Variants in RIC8B observed in about 807,000 individuals in gnomAD.
RIC8B encodes the protein chaperone Ric-8B.
RIC8B carries 16 observed loss-of-function variants against 57.5 expected under a neutral mutation model. That is an observed-to-expected ratio of 0.28 (90% CI 0.19 to 0.42). The LOEUF (loss-of-function observed/expected upper bound fraction) is 0.42, where lower values mean the gene tolerates loss of function less well. RIC8B is among the 10% of genes least tolerant of loss of function. RIC8B has a pLI of 1.00. For synonymous variants in RIC8B, 216 were observed against 250.8 expected (o/e 0.86, Z 1.31); for missense variants, 481 against 677.0 (o/e 0.71, Z 3.21).
rs951553080 is a variant in RIC8B, at chr12:106,774,733, C to G, written c.-13C>G. 1 of 1,546,590 alleles carries G rather than the reference C, an allele frequency of 6.5e-7. No homozygotes were observed. Among genetic ancestry groups the G allele is most frequent in the Non-Finnish European group, 8.7e-7 (1 of 1,144,152 alleles). On this transcript the variant is annotated 5_prime_UTR_variant, in exon 1 of 10. Coordinates refer to ENST00000392837, the MANE Select transcript of RIC8B (RefSeq NM_001330145.2). ...GCGCGCAGAGCGGCCGCGGCTCCCC[C>G]GCACCTGCGGCCATGGATGAGGAGC...
intron 9 of RIC8B, among the ~76,000 whole-genome samples, chr12:106,872,016 G>A (rs1451329965): frequency 1.3e-5 from 2 of 152,196 alleles, no homozygotes. Context: ...TTGTTTAGGA[G>A]TAAATAGCTT....
At chr12:106,809,493 A>C (rs2045226681) in intron 2 of RIC8B, among the ~76,000 whole-genome samples, 1 of 149,518 alleles carries the variant, frequency 6.7e-6, no homozygotes, top group African/African-American at 2.5e-5. Context: ...ACTGCACTTC[A>C]GCCTGGGAGA....
rs547255192 is a variant in RIC8B, at chr12:106,886,361, C to T, written c.*346C>T. On this transcript the variant is annotated 3_prime_UTR_variant, in exon 10 of 10. Coordinates refer to ENST00000392837, the MANE Select transcript of RIC8B (RefSeq NM_001330145.2). Reference sequence around the variant, plus strand: ...TAGCAGAAGATTTAGCCATGTCCTTCCCCTCACTTGTGTGAGTGGCCCCTT... The same window carrying T: ...TAGCAGAAGATTTAGCCATGTCCTTTCCCTCACTTGTGTGAGTGGCCCCTT... The T allele has an allele frequency of 3.1e-5, 6 of 193,728 alleles. No individual in the cohort carries two copies. In the South Asian group the frequency reaches 7.4e-4, roughly 24 times the overall value. 12.0% of individuals were successfully genotyped at this position (193,728 alleles called of 1,614,324 possible).
chr12:106,778,794 A>G (rs983811319), intron 1 of RIC8B, among the ~76,000 whole-genome samples: 6 of 152,214 alleles, frequency 3.9e-5, no homozygotes, highest in South Asian at 2.1e-4. Flanking sequence ...TTATTCCTCA[A>G]TATCCAAAGG....
intron 1 of RIC8B, 27 bp downstream of exon 1, chr12:106,774,856 G>C (rs377518427): frequency 6.6e-7 from 1 of 1,518,686 alleles, no homozygotes. Context: ...CCGGGCGTGC[G>C]GTATCGCACC....
intron 1 of RIC8B, 73 bp from the exon 2 acceptor site, chr12:106,783,924 T>TTATTTG: frequency 7.5e-7 from 1 of 1,341,528 alleles, no homozygotes; most frequent in Non-Finnish European, 1.1e-6. Flanking sequence ...TTATTTTAGA[T>TTATTTG]GCTATTAAAC....
chr12:106,855,956 G>A (rs549227638), intron 7 of RIC8B, among the ~76,000 whole-genome samples: 2 of 151,868 alleles, frequency 1.3e-5, no homozygotes, highest in Non-Finnish European at 2.9e-5. Flanking sequence ...CATGCCCTTC[G>A]ACCTTTTCAT....
intron 2 of RIC8B, among the ~76,000 whole-genome samples, chr12:106,786,688 A>G (rs2044045255): frequency 6.6e-6 from 1 of 152,216 alleles, no homozygotes; most frequent in Non-Finnish European, 1.5e-5. Flanking sequence ...ATTGGAAACA[A>G]GTGTCCAGCA....
intron 2 of RIC8B, among the ~76,000 whole-genome samples, chr12:106,804,560 T>A (rs2044916727): frequency 6.6e-6 from 1 of 152,206 alleles, no homozygotes; most frequent in Non-Finnish European, 1.5e-5. Context: ...AATAAATTGG[T>A]CAGGTGGCAG....
chr12:106,819,981 G>A (rs1212436073), intron 3 of RIC8B, among the ~76,000 whole-genome samples: 2 of 152,004 alleles, frequency 1.3e-5, no homozygotes, highest in African/African-American at 4.8e-5. Context: ...TGGTGGGCCA[G>A]CGGGTTTCAA....
intron 2 of RIC8B, among the ~76,000 whole-genome samples, chr12:106,784,367 C>T (rs2043900478): frequency 6.6e-6 from 1 of 152,156 alleles, no homozygotes; most frequent in Non-Finnish European, 1.5e-5. Flanking sequence ...GCCCAAAATC[C>T]ATTGCTAATA....
intron 2 of RIC8B, among the ~76,000 whole-genome samples, chr12:106,806,753 C>T (rs1427805140): frequency 6.6e-6 from 1 of 152,068 alleles, no homozygotes; most frequent in East Asian, 1.9e-4. Context: ...TTGCTTGAAC[C>T]CGGGAGGCGG....
intron 9 of RIC8B, among the ~76,000 whole-genome samples, chr12:106,878,049 G>T (rs184761491): frequency 6.6e-6 from 1 of 152,172 alleles, no homozygotes; most frequent in East Asian, 1.9e-4. Flanking sequence ...TTTCCCAATT[G>T]TACCCAATCC....
At chr12:106,843,335 C>A (rs1390743308) in intron 5 of RIC8B, among the ~76,000 whole-genome samples, 1 of 152,234 alleles carries the variant, frequency 6.6e-6, no homozygotes, top group African/African-American at 2.4e-5. Context: ...TTCATTCAAG[C>A]CCTTTGGCTA....
chr12:106,836,468 T>TC lies in RIC8B; in HGVS notation c.837-6116dup, dbSNP rs1593257217. Among the ~76,000 whole-genome samples the TC allele has an allele frequency of 2.0e-5, 3 of 152,232 alleles. No homozygotes were observed. In the East Asian group the frequency reaches 5.8e-4, roughly 29 times the overall value. On this transcript the variant is annotated intron_variant, in intron 4 of 9. Coordinates refer to ENST00000392837, the MANE Select transcript of RIC8B (RefSeq NM_001330145.2). ...ACATCCAAAATTAAACTCTCTATCA[T>TC]CCCCCTAAAAAGCTTCTTCTCTTGC...
intron 2 of RIC8B, among the ~76,000 whole-genome samples, chr12:106,790,885 A>G (rs1282150105): frequency 6.6e-6 from 1 of 152,220 alleles, no homozygotes; most frequent in Non-Finnish European, 1.5e-5. Context: ...TATTACCTTC[A>G]AATTCACACA....
Position 106,815,142 on chromosome 12 carries a change from G to T in RIC8B, c.579G>T (p.Thr193=). ...AGCTCCAGGGACTACCGCTGCTAACGCAGATCTTGGAAAGTGCCTTTAGCA... is the reference window on the plus strand; with the variant it reads ...AGCTCCAGGGACTACCGCTGCTAACTCAGATCTTGGAAAGTGCCTTTAGCA... ...RYELQGLPLL[T]QILESAFSIK... Residue 193 remains threonine, a synonymous_variant, in exon 3 of 10, where the codon ACG becomes ACT. Coordinates refer to ENST00000392837, the MANE Select transcript of RIC8B (RefSeq NM_001330145.2). 6.2e-7 allele frequency: 1 copy of T among 1,614,202 alleles called. No individual in the cohort carries two copies. The highest frequency in any genetic ancestry group is 8.5e-7 in the Non-Finnish European group (1 of 1,180,038).
intron 4 of RIC8B, among the ~76,000 whole-genome samples, chr12:106,827,838 A>G (rs548953650): frequency 7.2e-5 from 11 of 152,274 alleles, no homozygotes; most frequent in Non-Finnish European, 1.3e-4. Flanking sequence ...CCCAAGAGTA[A>G]ATTGATTTTT....
chr12:106,870,412 A>AT (rs1252441127), intron 8 of RIC8B, among the ~76,000 whole-genome samples: 1 of 151,714 alleles, frequency 6.6e-6, no homozygotes, highest in Non-Finnish European at 1.5e-5. Context: ...CATTTTTCCA[A>AT]TTTTTTTTGA....
Sources: gnomAD v4.1 joint callset for allele counts (sites outside exome capture counted in the v4.1 genomes callset) on GRCh38, gnomAD v4.1.1 for gene constraint, MANE v1.5 for transcripts, NCBI Gene and HGNC (gene_info 2026-07-23, HGNC 2026-07-21) for gene names.